CTNNA2: variants seen among roughly 807,000 people sequenced by gnomAD.
CTNNA2 encodes catenin alpha-2.
CTNNA2 carries 42 observed loss-of-function variants against 101.0 expected under a neutral mutation model. That is an observed-to-expected ratio of 0.42 (90% CI 0.32 to 0.54). The LOEUF (loss-of-function observed/expected upper bound fraction) is 0.54. CTNNA2 is among the 20% of genes least tolerant of loss of function. CTNNA2 has a pLI of 0.14. For synonymous variants in CTNNA2, 450 were observed against 456.4 expected (o/e 0.99, Z 0.18); for missense variants, 871 against 1,223.1 (o/e 0.71, Z 4.29).
intron 3 of CTNNA2, among the ~76,000 whole-genome samples, chr2:79,817,143 G>A (rs983221327): frequency 2.0e-5 from 3 of 151,608 alleles, no homozygotes; most frequent in African/African-American, 4.8e-5. Flanking sequence ...CCATTAACTC[G>A]TCATTTAGCA....
intron 12 of CTNNA2, among the ~76,000 whole-genome samples, chr2:80,563,241 T>G (rs532266514): frequency 1.1e-4 from 17 of 152,200 alleles, no homozygotes; most frequent in African/African-American, 4.1e-4. Context: ...CTGGAATTGG[T>G]GGTCTGGATG....
At chr2:79,472,149 T>C (rs1671006541) in intron 4 of CTNNA2, among the ~76,000 whole-genome samples, 1 of 152,192 alleles carries the variant, frequency 6.6e-6, no homozygotes, top group African/African-American at 2.4e-5. Context: ...AAGCAAAGCG[T>C]AGACATTCCC....
rs753815778 is a variant in CTNNA2 at position 80,462,631 on chromosome 2, C to CTTTTTTTTTTTT, written c.1290+43040_1290+43051dup. On this transcript the variant is annotated intron_variant, in intron 9 of 18. Transcript: ENST00000402739. ...CCTTCCTTTCCTTCTTTCTTTCTTT[C>CTTTTTTTTTTTT]TTTTTTTTTTTTTTTTTTTTTGACG... is the stretch of plus-strand genomic sequence containing the variant. Among the ~76,000 whole-genome samples the CTTTTTTTTTTTT allele has an allele frequency of 4.7e-3, 443 of 94,666 alleles. 1 individual carries two copies. The highest frequency in any genetic ancestry group is 0.011 in the East Asian group (30 of 2,636). The allele number at this position is 94,666 out of a possible 152,430, so 62.1% of individuals were successfully genotyped here.
chr2:80,485,006 A>AAAT (rs929368986), intron 9 of CTNNA2, among the ~76,000 whole-genome samples: 1 of 152,128 alleles, frequency 6.6e-6, no homozygotes, highest in Non-Finnish European at 1.5e-5. Context: ...ACTCCGTCTT[A>AAAT]AATAATAATA....
intron 7 of CTNNA2, among the ~76,000 whole-genome samples, chr2:80,228,984 T>A (rs1709046621): frequency 6.6e-6 from 1 of 152,124 alleles, no homozygotes; most frequent in Admixed American, 6.5e-5. Context: ...TTTCTAAGAG[T>A]AGATAGACAT....
intron 7 of CTNNA2, among the ~76,000 whole-genome samples, chr2:80,045,630 C>A (rs537663829): frequency 2.2e-4 from 34 of 152,244 alleles, no homozygotes; most frequent in Middle Eastern, 6.8e-3. Flanking sequence ...ATTCTTGAGT[C>A]TCCTATTATT....
intron 1 of CTNNA2, among the ~76,000 whole-genome samples, chr2:79,556,751 ATTAT>A (rs1473599710): frequency 6.6e-6 from 1 of 151,984 alleles, no homozygotes; most frequent in Admixed American, 6.6e-5. Context: ...GCCTCCCCTA[ATTAT>A]TTATGTAACC....
chr2:79,638,654 A>C (rs1396926725), intron 1 of CTNNA2, among the ~76,000 whole-genome samples: 1 of 152,236 alleles, frequency 6.6e-6, no homozygotes, highest in Admixed American at 6.5e-5. Flanking sequence ...TCTATGACAC[A>C]GGAAACTGCA....
chr2:79,682,410 CAA>C (rs10674928), intron 2 of CTNNA2, among the ~76,000 whole-genome samples: 51 of 73,304 alleles, frequency 7.0e-4, no homozygotes, highest in Admixed American at 1.1e-3. Flanking sequence ...AACTCCATCT[CAA>C]AAAAAAAAAA....
chr2:79,353,216 AT>A (rs1255675002), intron 3 of CTNNA2, among the ~76,000 whole-genome samples: 1 of 152,170 alleles, frequency 6.6e-6, no homozygotes, highest in South Asian at 2.1e-4. Context: ...CATTTGAAGA[AT>A]TTTTTAGTTT....
Position 79,378,351 on chromosome 2 carries a change from G to A in CTNNA2, c.-135+4338G>A, listed in dbSNP as rs368530631. On this transcript the variant is annotated intron_variant, in intron 4 of 21. Coordinates refer to the CTNNA2 transcript ENST00000466387. ...CTAAGTAGCAACAAGAGCTTCAGAT[G>A]TAATATATGTAAATATTGTGTAAAT... Among the ~76,000 whole-genome samples, 56 of 152,228 alleles carry A rather than the reference G, an allele frequency of 3.7e-4. No individual in the cohort carries two copies. The East Asian group carries it at 3.9e-3, about 11-fold the overall frequency.
chr2:79,526,595 C>T (rs866964704), intron 1 of CTNNA2, among the ~76,000 whole-genome samples: 1 of 151,832 alleles, frequency 6.6e-6, no homozygotes, highest in Admixed American at 6.6e-5. Flanking sequence ...GTATAATAAT[C>T]GAGACTAAAT....
chr2:80,187,774 T>G (rs1706225981), intron 7 of CTNNA2, among the ~76,000 whole-genome samples: 1 of 152,146 alleles, frequency 6.6e-6, no homozygotes, highest in Middle Eastern at 3.4e-3. Flanking sequence ...TGCCTCTCAA[T>G]TTTTAAAACC....
At chr2:79,233,656 G>A (rs1674523061) in intron 2 of CTNNA2, among the ~76,000 whole-genome samples, 1 of 152,042 alleles carries the variant, frequency 6.6e-6, no homozygotes, top group Non-Finnish European at 1.5e-5. Context: ...TGGTGTCAAA[G>A]TCCCCCACTA....
chr2:80,490,885 C>A lies in CTNNA2; in HGVS notation c.1291-54097C>A, dbSNP rs756910277. 6.9e-4 allele frequency among the ~76,000 whole-genome samples: 105 copies of A among 152,092 alleles called. 2 individuals carry two copies. Among genetic ancestry groups the A allele is most frequent in the Non-Finnish European group, 1.5e-3 (100 of 68,014 alleles). ...ATTTATTTGGTTTTATGTTAAAATG[C>A]AGATGCCATCTTTTCGTATGAACTG... On this transcript the variant is annotated intron_variant, in intron 9 of 18. Transcript: ENST00000402739.
intron 4 of CTNNA2, among the ~76,000 whole-genome samples, chr2:79,503,870 A>G (rs2103808438): frequency 6.6e-6 from 1 of 152,328 alleles, no homozygotes; most frequent in Non-Finnish European, 1.5e-5. Context: ...CAGAAAAATA[A>G]GGAATTACCA....
intron 4 of CTNNA2, among the ~76,000 whole-genome samples, chr2:79,863,398 T>C (rs1039057084): frequency 1.3e-5 from 2 of 152,148 alleles, no homozygotes; most frequent in Admixed American, 1.3e-4. Flanking sequence ...TTGGGTCTCA[T>C]TGAACTAAAT....
At chr2:79,468,568 G>T (rs1014243559) in intron 4 of CTNNA2, among the ~76,000 whole-genome samples, 2 of 152,088 alleles carry the variant, frequency 1.3e-5, no homozygotes, top group Non-Finnish European at 2.9e-5. Flanking sequence ...CAAATCAACA[G>T]AATATATATT....
At chr2:80,450,445 C>A (rs549124984) in intron 9 of CTNNA2, among the ~76,000 whole-genome samples, 1 of 152,152 alleles carries the variant, frequency 6.6e-6, no homozygotes, top group East Asian at 1.9e-4. Flanking sequence ...TTCTAAAGGA[C>A]AAAGATGTGC....
Sources: gnomAD v4.1 joint callset for allele counts (sites outside exome capture counted in the v4.1 genomes callset) on GRCh38, gnomAD v4.1.1 for gene constraint, MANE v1.5 for transcripts, NCBI Gene and HGNC (gene_info 2026-07-23, HGNC 2026-07-21) for gene names.